The following SBF2 variants were observed in gnomAD, a reference collection of about 807,000 sequenced individuals.
SBF2 encodes SET binding factor 2.
In SBF2, 112 loss-of-function variants were observed where a neutral mutation model predicts 225.2. The observed-to-expected ratio is 0.50, with a 90% CI of 0.43 to 0.58. The LOEUF is 0.58. Ranked by LOEUF, SBF2 falls within the 20% of genes least tolerant of loss-of-function variation. The probability of loss-of-function intolerance (pLI) is 0.00; values close to 1 mark genes in which losing one functional copy is unlikely to be tolerated. For synonymous variants in SBF2, 763 were observed against 773.3 expected (o/e 0.99, Z 0.22); for missense variants, 1,996 against 2,206.2 (o/e 0.90, Z 1.91).
chr11:10,071,843 AG>A (rs1202206746), intron 2 of SBF2, among the ~76,000 whole-genome samples: 3 of 152,146 alleles, frequency 2.0e-5, no homozygotes, highest in Non-Finnish European at 4.4e-5. Flanking sequence ...TCAGGGATGA[AG>A]CTGACTTGAT....
intron 1 of SBF2, among the ~76,000 whole-genome samples, chr11:10,198,824 C>T (rs1176577523): frequency 2.0e-5 from 3 of 152,204 alleles, no homozygotes; most frequent in Non-Finnish European, 2.9e-5. Context: ...CCTCATGAAC[C>T]AACCTCCAGC....
At chr11:10,272,070 A>C in intron 1 of SBF2, 2 of 1,141,682 alleles carry the variant, frequency 1.8e-6, no homozygotes, top group South Asian at 3.0e-5. Context: ...AAAGCACAGG[A>C]TCTAGGCTCC....
intron 21 of SBF2, among the ~76,000 whole-genome samples, chr11:9,851,924 C>T (rs1052833113): frequency 6.6e-6 from 1 of 152,170 alleles, no homozygotes; most frequent in Non-Finnish European, 1.5e-5. Context: ...ATAACACCAC[C>T]ACGGCTGGCT....
chr11:10,010,292 T>A (rs1948387844), intron 6 of SBF2, among the ~76,000 whole-genome samples: 1 of 152,208 alleles, frequency 6.6e-6, no homozygotes, highest in African/African-American at 2.4e-5. Context: ...TTGCTTTTGG[T>A]GTTTTAGACA....
At chr11:9,845,826 A>C in intron 23 of SBF2, 86 bp from the exon 24 acceptor site, 1 of 1,275,878 alleles carries the variant, frequency 7.8e-7, no homozygotes, top group South Asian at 1.2e-5. Flanking sequence ...AATAACACAA[A>C]ATGGCAAGAC....
In SBF2 at chr11:9,779,514, T is replaced by C. The variant is rs1195833788; in HGVS notation, c.*904A>G. The C allele has an allele frequency of 6.5e-6, 1 of 152,684 alleles. No homozygotes were observed. The highest frequency in any genetic ancestry group is 1.5e-5 in the Non-Finnish European group (1 of 68,044). The allele number at this position is 152,684 out of a possible 1,614,324, so 9.5% of individuals were successfully genotyped here. On this transcript the variant is annotated 3_prime_UTR_variant, in exon 40 of 40. Coordinates refer to ENST00000256190, the MANE Select transcript of SBF2 (RefSeq NM_030962.4). Reference sequence around the variant, plus strand: ...GTATCCAGTCATGCCACAGTGTGACTGTGGTCAACACAGCCCTTGTCACAG... The same window carrying C: ...GTATCCAGTCATGCCACAGTGTGACCGTGGTCAACACAGCCCTTGTCACAG...
intron 32 of SBF2, among the ~76,000 whole-genome samples, chr11:9,805,304 C>CA (rs1853745482): frequency 6.6e-6 from 1 of 151,600 alleles, no homozygotes; most frequent in Non-Finnish European, 1.5e-5. Flanking sequence ...TTGAGATTGC[C>CA]TTTTTTTTCT....
At chr11:9,831,692 G>A (rs1855409882) in intron 27 of SBF2, among the ~76,000 whole-genome samples, 1 of 152,174 alleles carries the variant, frequency 6.6e-6, no homozygotes, top group South Asian at 2.1e-4. Context: ...CAGAATATGG[G>A]ACAGCTGTAC....
intron 17 of SBF2, among the ~76,000 whole-genome samples, chr11:9,888,632 G>C (rs1206282824): frequency 6.6e-6 from 1 of 152,100 alleles, no homozygotes; most frequent in Non-Finnish European, 1.5e-5. Context: ...TATCCTTGCT[G>C]GTTATATGTG....
chr11:10,151,739 A>T (rs951029000), intron 2 of SBF2, among the ~76,000 whole-genome samples: 2 of 152,078 alleles, frequency 1.3e-5, no homozygotes, highest in African/African-American at 4.8e-5. Flanking sequence ...GGACTGGGGG[A>T]CTTTGGCTAC....
chr11:9,784,972 GAAACATCT>G (rs1852275556), intron 37 of SBF2, 145 bp downstream of exon 37: 1 of 750,592 alleles, frequency 1.3e-6, no homozygotes, highest in Non-Finnish European at 2.2e-6. Context: ...TCTTTTCAAA[GAAACATCT>G]AAAACATTAC....
At chr11:9,980,297 A>T (rs1946894912) in intron 13 of SBF2, among the ~76,000 whole-genome samples, 1 of 150,666 alleles carries the variant, frequency 6.6e-6, no homozygotes, top group Non-Finnish European at 1.5e-5. Context: ...ATTAAAAAAA[A>T]AAAAAAAAAA....
intron 14 of SBF2, among the ~76,000 whole-genome samples, chr11:9,968,103 A>G (rs902422402): frequency 1.3e-5 from 2 of 151,862 alleles, no homozygotes; most frequent in South Asian, 4.2e-4. Flanking sequence ...AGTATGTAAC[A>G]TATCTCAATA....
intron 17 of SBF2, among the ~76,000 whole-genome samples, chr11:9,878,250 T>G (rs2134073353): frequency 6.6e-6 from 1 of 152,358 alleles, no homozygotes; most frequent in Middle Eastern, 3.4e-3. Flanking sequence ...GGTTGTTTTT[T>G]TCTCGTAAAT....
intron 26 of SBF2, among the ~76,000 whole-genome samples, chr11:9,833,490 G>A (rs1036398916): frequency 5.6e-5 from 8 of 143,136 alleles, no homozygotes; most frequent in African/African-American, 1.0e-4. Context: ...GCACGATCTC[G>A]GCCCATTGCA....
intron 17 of SBF2, among the ~76,000 whole-genome samples, chr11:9,865,836 T>A (rs191169010): frequency 3.1e-4 from 47 of 151,552 alleles, no homozygotes; most frequent in African/African-American, 1.1e-3. Context: ...GCTTATAGAG[T>A]CTTGTTTTTC....
intron 16 of SBF2, among the ~76,000 whole-genome samples, chr11:9,950,276 T>C (rs546721746): frequency 4.6e-5 from 7 of 152,284 alleles, no homozygotes; most frequent in African/African-American, 1.7e-4. Flanking sequence ...ATAAGAGTGT[T>C]TGATGGCACA....
At chr11:9,967,421 C>G (rs1450580144) in intron 14 of SBF2, among the ~76,000 whole-genome samples, 2 of 150,640 alleles carry the variant, frequency 1.3e-5, no homozygotes, top group African/African-American at 4.9e-5. Context: ...ACAACATAGA[C>G]GTACATTGGA....
intron 1 of SBF2, among the ~76,000 whole-genome samples, chr11:10,231,683 G>T (rs768322470): frequency 6.6e-6 from 1 of 152,202 alleles, no homozygotes; most frequent in African/African-American, 2.4e-5. Context: ...TGTCTCAGAG[G>T]AGTATCCAGC....
Sources: gnomAD v4.1 joint callset for allele counts (sites outside exome capture counted in the v4.1 genomes callset) on GRCh38, gnomAD v4.1.1 for gene constraint, MANE v1.5 for transcripts, NCBI Gene and HGNC (gene_info 2026-07-23, HGNC 2026-07-21) for gene names.